The following TSPAN18 variants were observed in gnomAD, a reference collection of about 807,000 sequenced individuals.
The protein encoded by TSPAN18 is tetraspanin 18.
In TSPAN18, 14 loss-of-function variants were observed where a neutral mutation model predicts 27.3. The observed-to-expected ratio is 0.51, with a 90% CI of 0.34 to 0.80. The LOEUF is 0.80. Among genes scored for constraint, TSPAN18 ranks in the 30% least tolerant of loss-of-function variants. TSPAN18 has a pLI of 0.01. For missense variants in TSPAN18, 268 were observed against 323.9 expected (o/e 0.83, Z 1.32); for synonymous variants, 143 against 136.5 (o/e 1.05, Z -0.33).
chr11:44,897,359 C>T (rs1237177367), intron 3 of TSPAN18, among the ~76,000 whole-genome samples: 1 of 152,192 alleles, frequency 6.6e-6, no homozygotes, highest in South Asian at 2.1e-4. Context: ...CCTGCTGGCA[C>T]TCTCTCTGCT....
intron 2 of TSPAN18, among the ~76,000 whole-genome samples, chr11:44,830,024 C>G (rs1177810868): frequency 2.0e-5 from 3 of 152,208 alleles, no homozygotes; most frequent in African/African-American, 7.2e-5. Flanking sequence ...GTCTGAAGGG[C>G]CTGCATGATC....
At chr11:44,863,577 G>C (rs73454506) in intron 3 of TSPAN18, among the ~76,000 whole-genome samples, 3,107 of 152,252 alleles carry the variant, frequency 0.02, 110 homozygotes, top group African/African-American at 0.071. Context: ...TTTTCACTTA[G>C]AGCATTGCAA....
At chr11:44,823,781 AATAGAACTGATATCATCATGTT>A (rs1565165800) in intron 2 of TSPAN18, among the ~76,000 whole-genome samples, 2 of 152,122 alleles carry the variant, frequency 1.3e-5, no homozygotes, top group South Asian at 4.1e-4. Flanking sequence ...AGGCAAAATG[AATAGAACTGATATCATCATGTT>A]TTTGTCATCA....
At chr11:44,887,507 T>A (rs1424703233) in intron 3 of TSPAN18, among the ~76,000 whole-genome samples, 10 of 152,156 alleles carry the variant, frequency 6.6e-5, no homozygotes, top group Admixed American at 6.5e-4. Context: ...TAGACTATAG[T>A]GGGGTTCAAA....
intron 2 of TSPAN18, among the ~76,000 whole-genome samples, chr11:44,836,545 T>G (rs73452521): frequency 1.3e-5 from 2 of 152,138 alleles, no homozygotes; most frequent in Non-Finnish European, 2.9e-5. Flanking sequence ...AAGATCTAGC[T>G]AAGATCATGG....
intron 8 of TSPAN18, among the ~76,000 whole-genome samples, chr11:44,924,666 TCTTTC>T (rs1860280053): frequency 6.6e-6 from 1 of 151,902 alleles, no homozygotes; most frequent in Non-Finnish European, 1.5e-5. Flanking sequence ...AACTCACCTC[TCTTTC>T]CTTGCTCGCA....
intron 2 of TSPAN18, among the ~76,000 whole-genome samples, chr11:44,859,995 G>A (rs929108127): frequency 1.4e-4 from 22 of 152,202 alleles, no homozygotes; most frequent in African/African-American, 5.1e-4. Context: ...CACAAATTAT[G>A]TTTTACATAA....
chr11:44,839,964 C>T (rs1018744843), intron 2 of TSPAN18, among the ~76,000 whole-genome samples: 2 of 152,212 alleles, frequency 1.3e-5, no homozygotes, highest in Admixed American at 6.5e-5. Flanking sequence ...TGTCCTCAGT[C>T]CCTCACAGGA....
intron 2 of TSPAN18, among the ~76,000 whole-genome samples, chr11:44,791,755 G>A (rs1031853055): frequency 6.6e-6 from 1 of 152,220 alleles, no homozygotes; most frequent in African/African-American, 2.4e-5. Context: ...CTCACGGAGG[G>A]CTCGTGGCCA....
intron 2 of TSPAN18, among the ~76,000 whole-genome samples, chr11:44,812,716 T>C (rs1436697125): frequency 6.6e-6 from 1 of 152,110 alleles, no homozygotes; most frequent in East Asian, 1.9e-4. Flanking sequence ...GTTCATGAAA[T>C]AGCTTTACTG....
At chr11:44,827,924 G>A (rs1857078144) in intron 2 of TSPAN18, among the ~76,000 whole-genome samples, 1 of 152,238 alleles carries the variant, frequency 6.6e-6, no homozygotes, top group Non-Finnish European at 1.5e-5. Context: ...CCTCCTGGGA[G>A]AGTCCAGGGC....
intron 1 of TSPAN18, among the ~76,000 whole-genome samples, chr11:44,762,299 A>G (rs1012405944): frequency 5.3e-5 from 8 of 152,258 alleles, no homozygotes; most frequent in African/African-American, 1.9e-4. Flanking sequence ...CTGTGCAGCT[A>G]TGAAAAGGAC....
chr11:44,771,255 G>C (rs1415265364), intron 2 of TSPAN18, among the ~76,000 whole-genome samples: 2 of 152,212 alleles, frequency 1.3e-5, no homozygotes, highest in African/African-American at 4.8e-5. Context: ...CAGGGGCAAA[G>C]GTGAGAGGCT....
intron 3 of TSPAN18, among the ~76,000 whole-genome samples, chr11:44,900,835 A>G (rs1165210841): frequency 6.6e-6 from 1 of 151,812 alleles, no homozygotes; most frequent in South Asian, 2.1e-4. Flanking sequence ...CTGGGATTAC[A>G]GGTTCCTGCC....
At chr11:44,800,743 G>T (rs1246981028) in intron 2 of TSPAN18, among the ~76,000 whole-genome samples, 1 of 152,182 alleles carries the variant, frequency 6.6e-6, no homozygotes, top group Non-Finnish European at 1.5e-5. Context: ...CTGAGAAGGG[G>T]CCTTCCTAGG....
chr11:44,878,056 G>A (rs1047237462), intron 3 of TSPAN18, among the ~76,000 whole-genome samples: 3 of 151,854 alleles, frequency 2.0e-5, no homozygotes, highest in Non-Finnish European at 2.9e-5. Context: ...GAATTAAGAC[G>A]TCATCTGGCA....
At chr11:44,921,896 T>C (rs1860150702) in intron 8 of TSPAN18, among the ~76,000 whole-genome samples, 1 of 152,218 alleles carries the variant, frequency 6.6e-6, no homozygotes, top group South Asian at 2.1e-4. Flanking sequence ...CTCCTGGGCA[T>C]GTCTTCAAAA....
chr11:44,741,385 A>G (rs1854928576), intron 1 of TSPAN18, among the ~76,000 whole-genome samples: 1 of 151,602 alleles, frequency 6.6e-6, no homozygotes, highest in African/African-American at 2.4e-5. Flanking sequence ...ATAATGGGCA[A>G]TTTTTGTTTC....
intron 5 of TSPAN18, among the ~76,000 whole-genome samples, chr11:44,910,722 T>C (rs927933712): frequency 1.3e-5 from 2 of 152,228 alleles, no homozygotes; most frequent in Admixed American, 6.5e-5. Flanking sequence ...ACTCCTATCA[T>C]GCGCATGTAG....
Sources: gnomAD v4.1 joint callset for allele counts (sites outside exome capture counted in the v4.1 genomes callset) on GRCh38, gnomAD v4.1.1 for gene constraint, MANE v1.5 for transcripts, NCBI Gene and HGNC (gene_info 2026-07-23, HGNC 2026-07-21) for gene names.